The following KYNU variants were observed in gnomAD, a reference collection of about 807,000 sequenced individuals.
KYNU encodes kynureninase.
A neutral mutation model predicts 59.2 loss-of-function variants in KYNU; 54 were observed. The observed-to-expected ratio is 0.91, with a 90% CI of 0.73 to 1.14. The LOEUF (loss-of-function observed/expected upper bound fraction) is 1.14, where lower values mean the gene tolerates loss of function less well. Ranked by LOEUF, KYNU falls within the 50% of genes most tolerant of loss-of-function variation. KYNU has a pLI of 0.00. For synonymous variants in KYNU, 177 were observed against 192.0 expected (o/e 0.92, Z 0.65); for missense variants, 567 against 554.4 (o/e 1.02, Z -0.23).
chr2:143,029,161 A>C (rs1356759192), intron 10 of KYNU, among the ~76,000 whole-genome samples: 1 of 152,240 alleles, frequency 6.6e-6, no homozygotes, highest in African/African-American at 2.4e-5. Context: ...TCATTCTTTT[A>C]ATTATAAATA....
intron 11 of KYNU, among the ~76,000 whole-genome samples, chr2:143,032,931 C>T (rs930171595): frequency 6.6e-6 from 1 of 152,068 alleles, no homozygotes; most frequent in Non-Finnish European, 1.5e-5. Flanking sequence ...AATAAGGAAT[C>T]CTGGCTTGGG....
Position 143,050,822 on chromosome 2 carries a change from A to T in KYNU, c.*8650A>T, listed in dbSNP as rs1042255868. The stretch of plus-strand genomic sequence containing the variant: ...TATAGTGTATTTTCTCCATAAACTG[A>T]AGTTGTTAGAACATTGATTTTTTTA... On this transcript the variant is annotated 3_prime_UTR_variant, in exon 14 of 14. Transcript: ENST00000264170. 1 of 152,236 alleles carries T rather than the reference A, an allele frequency of 6.6e-6. No homozygotes were observed. The highest frequency in any genetic ancestry group is 1.5e-5 in the Non-Finnish European group (1 of 68,046). The allele number at this position is 152,236 out of a possible 1,614,324, so 9.4% of individuals were successfully genotyped here.
chr2:142,902,328 C>T (rs1469188373), intron 2 of KYNU, among the ~76,000 whole-genome samples: 1 of 152,258 alleles, frequency 6.6e-6, no homozygotes, highest in East Asian at 1.9e-4. Flanking sequence ...AGTCTTGCCC[C>T]GTTGGTAAGC....
chr2:142,920,544 T>A (rs762434042), intron 3 of KYNU, among the ~76,000 whole-genome samples: 13 of 152,232 alleles, frequency 8.5e-5, no homozygotes, highest in Non-Finnish European at 1.9e-4. Context: ...TTTCAAGACT[T>A]TAAAGTTGCA....
chr2:143,014,982 T>C (rs1014545127), intron 10 of KYNU, among the ~76,000 whole-genome samples: 1 of 151,984 alleles, frequency 6.6e-6, no homozygotes, highest in Non-Finnish European at 1.5e-5. Flanking sequence ...TAATCTTGAG[T>C]TCCTGGACTC....
chr2:142,885,301 T>C, intron 1 of KYNU, 48 bp from the exon 2 acceptor site: 2 of 1,512,286 alleles, frequency 1.3e-6, no homozygotes, highest in Non-Finnish European at 1.8e-6. Flanking sequence ...GCTCATTTTC[T>C]ACAGGAAAAT....
Position 142,985,091 on chromosome 2 carries a change from A to G in KYNU, c.737A>G (p.Tyr246Cys), listed in dbSNP as rs758940169. Residue 246 changes from tyrosine (Y) to cysteine (C), a missense_variant, in exon 9 of 14, where the codon TAT becomes TGT. Tyr to Cys is a radical substitution (Grantham distance 194). Coordinates refer to ENST00000264170, the MANE Select transcript of KYNU (RefSeq NM_003937.3). ...ITKAGQAKGC[Y>C]VGFDLAHAVG... ...TATTGTGTTCTTCCCTAGGGTTGTTATGTTGGCTTTGATCTAGCACATGCA... is the reference window on the plus strand; with the variant it reads ...TATTGTGTTCTTCCCTAGGGTTGTTGTGTTGGCTTTGATCTAGCACATGCA... 10 of 1,598,138 alleles carry G rather than the reference A, an allele frequency of 6.3e-6. No homozygotes were observed. The highest frequency in any genetic ancestry group is 5.0e-5 in the Admixed American group (3 of 59,768).
intron 3 of KYNU, among the ~76,000 whole-genome samples, chr2:142,922,953 T>C (rs371739532): frequency 2.1e-4 from 32 of 152,274 alleles, no homozygotes; most frequent in African/African-American, 7.5e-4. Flanking sequence ...TAGTGTCTGG[T>C]AAGGTCTGCT....
At chr2:142,908,260 T>C (rs989201777) in intron 2 of KYNU, among the ~76,000 whole-genome samples, 2 of 152,168 alleles carry the variant, frequency 1.3e-5, no homozygotes, top group African/African-American at 4.8e-5. Context: ...TTGGAAAGTT[T>C]TGAGTTCATA....
chr2:142,903,408 T>C (rs1016319529), intron 2 of KYNU, among the ~76,000 whole-genome samples: 2 of 152,116 alleles, frequency 1.3e-5, no homozygotes, highest in Admixed American at 6.6e-5. Flanking sequence ...TTTGTTAGAA[T>C]GTCTTTCCCT....
chr2:143,041,996 T>G (rs1573925558), intron 13 of KYNU, 51 bp from the exon 14 acceptor site: 2 of 1,595,930 alleles, frequency 1.3e-6, no homozygotes, highest in Non-Finnish European at 1.7e-6. Flanking sequence ...ATGTAGATTT[T>G]CAACGTGTGA....
intron 2 of KYNU, among the ~76,000 whole-genome samples, chr2:142,900,364 T>C (rs1308236107): frequency 6.6e-6 from 1 of 152,134 alleles, no homozygotes; most frequent in East Asian, 1.9e-4. Context: ...GAGTGTGCAG[T>C]TGCAAGATTT....
intron 8 of KYNU, among the ~76,000 whole-genome samples, chr2:142,976,996 G>A (rs1684903513): frequency 6.6e-6 from 1 of 152,148 alleles, no homozygotes; most frequent in African/African-American, 2.4e-5. Context: ...GTAAGGGGCT[G>A]TGGACACCAA....
chr2:143,041,037 G>C (rs974715237), intron 13 of KYNU, among the ~76,000 whole-genome samples: 5 of 151,836 alleles, frequency 3.3e-5, no homozygotes, highest in African/African-American at 9.7e-5. Context: ...TTTATTGAAG[G>C]GTTAAAAAAG....
chr2:142,912,388 T>TC (rs1682510946), intron 2 of KYNU, among the ~76,000 whole-genome samples: 1 of 110,862 alleles, frequency 9.0e-6, no homozygotes, highest in Non-Finnish European at 1.8e-5. Flanking sequence ...TTTTTTTTTT[T>TC]TTTTTTTTGA....
In KYNU at chr2:142,958,773, C is replaced by T. The variant is rs558175470; in HGVS notation, c.582+1058C>T. The stretch of plus-strand genomic sequence containing the variant: ...AGAACAAGTCAACATGAGAGAGGGC[C>T]GTATCCTGTCGTTGAAAAATGTATT... On this transcript the variant is annotated intron_variant, in intron 7 of 13. Transcript: ENST00000264170. 1.1e-4 allele frequency among the ~76,000 whole-genome samples: 17 copies of T among 152,166 alleles called. No individual in the cohort carries two copies. In the East Asian group the frequency reaches 1.5e-3, roughly 14 times the overall value.
chr2:143,032,241 G>T lies in KYNU; in HGVS notation c.956-995G>T, dbSNP rs562476147. Among the ~76,000 whole-genome samples, 206 of 151,454 alleles carry T rather than the reference G, an allele frequency of 1.4e-3. 1 individual carries two copies. Among genetic ancestry groups the T allele is most frequent in the Middle Eastern group, 0.01 (3 of 290 alleles). ...TTCAGTGAGCCAAGATCGCGCCACT[G>T]CATTCCAGCCTGGGCAACAGAGCGA... On this transcript the variant is annotated intron_variant, in intron 11 of 13. Transcript: ENST00000264170.
intron 12 of KYNU, among the ~76,000 whole-genome samples, chr2:143,039,391 A>G (rs1423781319): frequency 1.3e-5 from 2 of 152,150 alleles, no homozygotes; most frequent in Non-Finnish European, 2.9e-5. Context: ...CTTTACATCA[A>G]AGTTGGAAAA....
intron 10 of KYNU, among the ~76,000 whole-genome samples, chr2:143,010,005 C>A (rs1484990416): frequency 1.4e-5 from 2 of 138,892 alleles, no homozygotes; most frequent in Admixed American, 7.1e-5. Context: ...TGGCACAAGA[C>A]AGGGATGCCC....
Sources: allele counts gnomAD v4.1 joint callset (sites outside exome capture counted in the v4.1 genomes callset), GRCh38; gene constraint gnomAD v4.1.1; transcripts MANE v1.5; gene names NCBI Gene and HGNC (gene_info 2026-07-23, HGNC 2026-07-21).